Variants in MKLN1 observed in about 807,000 individuals in gnomAD.
MKLN1 encodes the protein muskelin 1, also known as muskelin.
A neutral mutation model predicts 99.0 loss-of-function variants in MKLN1; 18 were observed. The observed-to-expected ratio is 0.18, with a 90% CI of 0.13 to 0.27. MKLN1 has a LOEUF of 0.27. Among genes scored for constraint, MKLN1 ranks in the 10% least tolerant of loss-of-function variants. The pLI is 1.00. For missense variants in MKLN1, 621 were observed against 875.9 expected (o/e 0.71, Z 3.67); for synonymous variants, 288 against 293.2 (o/e 0.98, Z 0.18).
intron 1 of MKLN1, among the ~76,000 whole-genome samples, chr7:131,351,271 G>A (rs898857155): frequency 6.6e-6 from 1 of 151,684 alleles, no homozygotes; most frequent in African/African-American, 2.4e-5. Context: ...AAAAGAAGAA[G>A]AAGAGTCTTC....
chr7:131,483,555 G>T (rs956593603), intron 17 of MKLN1, among the ~76,000 whole-genome samples: 2 of 152,152 alleles, frequency 1.3e-5, no homozygotes, highest in Non-Finnish European at 2.9e-5. Flanking sequence ...TAAGTTCATG[G>T]TCAACATCAC....
At chr7:131,464,218 C>A in intron 13 of MKLN1, 76 bp from the exon 14 acceptor site, 2 of 740,428 alleles carry the variant, frequency 2.7e-6, no homozygotes, top group Middle Eastern at 2.5e-4. Context: ...ATTAGACATG[C>A]AGTTAATTTG....
intron 1 of MKLN1, among the ~76,000 whole-genome samples, chr7:131,346,640 T>G (rs1049269098): frequency 6.6e-6 from 1 of 152,232 alleles, no homozygotes; most frequent in African/African-American, 2.4e-5. Flanking sequence ...GCATAGATTT[T>G]CAAAATTAAT....
intron 3 of MKLN1, among the ~76,000 whole-genome samples, chr7:131,235,664 T>A (rs1267002495): frequency 1.3e-5 from 2 of 152,168 alleles, no homozygotes; most frequent in Admixed American, 1.3e-4. Flanking sequence ...ACTGTGAACT[T>A]ATATATGACT....
intron 15 of MKLN1, among the ~76,000 whole-genome samples, chr7:131,470,221 T>C (rs1036220394): frequency 1.3e-5 from 2 of 152,208 alleles, no homozygotes; most frequent in South Asian, 4.1e-4. Flanking sequence ...ATCATTGCAT[T>C]ATTGTGAGAA....
chr7:131,120,031 C>T (rs1013972136), intron 1 of MKLN1, among the ~76,000 whole-genome samples: 1 of 151,538 alleles, frequency 6.6e-6, no homozygotes, highest in African/African-American at 2.4e-5. Flanking sequence ...AGCCAGGCCA[C>T]GTGTTGGCAG....
intron 2 of MKLN1, among the ~76,000 whole-genome samples, chr7:131,383,868 T>C (rs1158748862): frequency 1.3e-5 from 2 of 152,324 alleles, no homozygotes; most frequent in East Asian, 1.9e-4. Flanking sequence ...CTCACCTCTT[T>C]CCTGAGTTTA....
rs972216861 is a variant in MKLN1, at chr7:131,197,350, C to T, written c.-296-5507C>T. 9.9e-5 allele frequency among the ~76,000 whole-genome samples: 15 copies of T among 151,038 alleles called. 1 individual carries two copies. Among genetic ancestry groups the T allele is most frequent in the East Asian group, 1.9e-4 (1 of 5,178 alleles). ...CCCTGAATAGCTGGGACTACAAATG[C>T]GTGCCACCATGCCCAGTTAATTAAA... On this transcript the variant is annotated intron_variant, in intron 2 of 7. Coordinates refer to the MKLN1 transcript ENST00000416992.
intron 2 of MKLN1, among the ~76,000 whole-genome samples, chr7:131,196,582 T>C (rs1796648646): frequency 6.6e-6 from 1 of 152,006 alleles, no homozygotes; most frequent in Non-Finnish European, 1.5e-5. Flanking sequence ...AAAATGTAAA[T>C]AATGAAGCTG....
intron 3 of MKLN1, among the ~76,000 whole-genome samples, chr7:131,208,505 G>A (rs73149859): frequency 6.6e-6 from 1 of 152,172 alleles, no homozygotes; most frequent in South Asian, 2.1e-4. Context: ...CGAGGCAGGA[G>A]GATTGCCTGA....
intron 3 of MKLN1, among the ~76,000 whole-genome samples, chr7:131,313,598 A>C (rs937993026): frequency 1.3e-5 from 2 of 152,268 alleles, no homozygotes; most frequent in Non-Finnish European, 2.9e-5. Context: ...CTCAAAGTAC[A>C]AGGAGAAAGA....
chr7:131,375,781 C>T (rs1371210350), intron 2 of MKLN1, among the ~76,000 whole-genome samples: 2 of 151,658 alleles, frequency 1.3e-5, no homozygotes, highest in African/African-American at 4.8e-5. Context: ...GTAAATTGAA[C>T]TCTGACTCAA....
chr7:131,429,425 C>T (rs1795457782), intron 9 of MKLN1, among the ~76,000 whole-genome samples: 1 of 152,126 alleles, frequency 6.6e-6, no homozygotes, highest in South Asian at 2.1e-4. Context: ...AGAAATGTAA[C>T]TGTGTAACTG....
chr7:131,478,861 C>A (rs1797040125), intron 17 of MKLN1, 184 bp downstream of exon 17: 7 of 699,636 alleles, frequency 1.0e-5, no homozygotes, highest in Non-Finnish European at 1.5e-5. Context: ...TATCATTTTG[C>A]AGTTCAGTTT....
chr7:131,466,921 ACACGCG>A (rs1419260148), intron 15 of MKLN1, among the ~76,000 whole-genome samples: 2 of 150,370 alleles, frequency 1.3e-5, no homozygotes, highest in Non-Finnish European at 3.0e-5. Flanking sequence ...ACACACACAC[ACACGCG>A]CGCGCGCGCA....
In MKLN1 at chr7:131,385,713, GTTGT is replaced by G. The variant is rs566638121; in HGVS notation, c.169-1402_169-1399del. Among the ~76,000 whole-genome samples, 107 of 152,024 alleles carry G rather than the reference GTTGT, an allele frequency of 7.0e-4. 2 individuals carry two copies. In the South Asian group the frequency reaches 0.021, roughly 30 times the overall value. On this transcript the variant is annotated intron_variant, in intron 2 of 17. Transcript: ENST00000352689. The stretch of plus-strand genomic sequence containing the variant: ...GGTCCTTTATCTGTTTTTAAATTGG[GTTGT>G]TTGTCTTTTTGTTGTTAAATTGTAG...
intron 12 of MKLN1, among the ~76,000 whole-genome samples, chr7:131,461,192 G>GA (rs933266745): frequency 2.0e-5 from 3 of 150,612 alleles, no homozygotes; most frequent in African/African-American, 7.3e-5. Flanking sequence ...ATAATGACAA[G>GA]AAAAAAAGTC....
chr7:131,403,663 T>C (rs764247301), intron 6 of MKLN1, among the ~76,000 whole-genome samples: 1 of 152,144 alleles, frequency 6.6e-6, no homozygotes, highest in Non-Finnish European at 1.5e-5. Context: ...ATGGCCTAAT[T>C]TCAGTATTGT....
chr7:131,362,820 A>G (rs1800070521), intron 1 of MKLN1, among the ~76,000 whole-genome samples: 5 of 151,900 alleles, frequency 3.3e-5, no homozygotes, highest in Admixed American at 3.3e-4. Context: ...GAGGATTTTT[A>G]AAAATTTAGT....
Sources: gnomAD v4.1 joint callset for allele counts (sites outside exome capture counted in the v4.1 genomes callset) on GRCh38, gnomAD v4.1.1 for gene constraint, MANE v1.5 for transcripts, NCBI Gene and HGNC (gene_info 2026-07-23, HGNC 2026-07-21) for gene names.